VPS41: variants seen among roughly 807,000 people sequenced by gnomAD.
VPS41 encodes the protein vacuolar protein sorting-associated protein 41 homolog.
In VPS41, 85 loss-of-function variants were observed where a neutral mutation model predicts 130.9. That is an observed-to-expected ratio of 0.65 (90% CI 0.55 to 0.78). The LOEUF is 0.78. Among genes scored for constraint, VPS41 ranks in the 30% least tolerant of loss-of-function variants. VPS41 has a pLI of 0.00. For missense variants in VPS41, 874 were observed against 1,018.7 expected, an observed-to-expected ratio of 0.86 and a Z score of 1.93; for synonymous variants, 335 against 332.9, an observed-to-expected ratio of 1.01 and a Z score of -0.07.
chr7:38,892,044 ATTCTCTG>A (rs914469791), intron 2 of VPS41, among the ~76,000 whole-genome samples: 1 of 152,010 alleles, frequency 6.6e-6, no homozygotes, highest in African/African-American at 2.4e-5. Flanking sequence ...ACTATTCTCT[ATTCTCTG>A]GAATAGAAAG....
intron 7 of VPS41, among the ~76,000 whole-genome samples, chr7:38,804,823 T>C (rs948478636): frequency 1.3e-5 from 2 of 152,242 alleles, no homozygotes; most frequent in African/African-American, 4.8e-5. Flanking sequence ...ACAAGTGCGA[T>C]TTCAGAAATG....
chr7:38,858,963 C>T (rs570744603), intron 4 of VPS41, among the ~76,000 whole-genome samples: 54 of 152,270 alleles, frequency 3.5e-4, no homozygotes, highest in Non-Finnish European at 6.2e-4. Flanking sequence ...CAGGAGATGA[C>T]AGCTCCATGT....
intron 25 of VPS41, among the ~76,000 whole-genome samples, chr7:38,740,579 C>T (rs888287486): frequency 1.3e-5 from 2 of 152,134 alleles, no homozygotes; most frequent in Non-Finnish European, 2.9e-5. Context: ...AAATATATGC[C>T]TATATATCGT....
At chr7:38,877,579 AGAG>A (rs1434734649) in intron 2 of VPS41, among the ~76,000 whole-genome samples, 3 of 152,168 alleles carry the variant, frequency 2.0e-5, no homozygotes, top group African/African-American at 2.4e-5. Flanking sequence ...ATTTTGTTTG[AGAG>A]GAGATTAAAT....
intron 10 of VPS41, among the ~76,000 whole-genome samples, chr7:38,784,682 A>G (rs1784407850): frequency 1.3e-5 from 2 of 151,976 alleles, no homozygotes; most frequent in Non-Finnish European, 1.5e-5. Flanking sequence ...GAAGGGGAAG[A>G]ATATAAGAAT....
intron 4 of VPS41, among the ~76,000 whole-genome samples, chr7:38,850,534 T>A (rs944420008): frequency 6.6e-5 from 10 of 152,100 alleles, no homozygotes; most frequent in Non-Finnish European, 1.5e-4. Context: ...ATGAAAAAAA[T>A]TTCAGATTTA....
chr7:38,857,706 G>C (rs562005382), intron 4 of VPS41, among the ~76,000 whole-genome samples: 2 of 152,264 alleles, frequency 1.3e-5, no homozygotes, highest in South Asian at 4.2e-4. Context: ...TAAAATACTC[G>C]AAGAGATTTA....
chr7:38,865,583 A>G (rs1305462139), intron 3 of VPS41, among the ~76,000 whole-genome samples: 2 of 152,260 alleles, frequency 1.3e-5, no homozygotes, highest in African/African-American at 4.8e-5. Context: ...CTAAGACCCT[A>G]TGGAACATAG....
At chr7:38,832,805 T>C (rs1785418035) in intron 4 of VPS41, among the ~76,000 whole-genome samples, 2 of 152,138 alleles carry the variant, frequency 1.3e-5, no homozygotes, top group African/African-American at 4.8e-5. Flanking sequence ...CTTTTTTACA[T>C]CTATACTCAA....
intron 11 of VPS41, among the ~76,000 whole-genome samples, chr7:38,776,375 G>A (rs1316830885): frequency 6.6e-6 from 1 of 152,182 alleles, no homozygotes; most frequent in Non-Finnish European, 1.5e-5. Context: ...CTAATGCACA[G>A]TGTCAGCTTA....
chr7:38,858,218 T>C, intron 4 of VPS41, among the ~76,000 whole-genome samples: 1 of 152,218 alleles, frequency 6.6e-6, no homozygotes, highest in East Asian at 1.9e-4. Flanking sequence ...TGCACAGCTA[T>C]TTCAAAATAT....
intron 2 of VPS41, among the ~76,000 whole-genome samples, chr7:38,882,448 T>C (rs1786633738): frequency 2.0e-5 from 3 of 152,346 alleles, no homozygotes; most frequent in South Asian, 4.1e-4. Context: ...ATGCCCTAAA[T>C]GATCTCATCC....
chr7:38,828,260 C>G (rs1785319429), intron 5 of VPS41, among the ~76,000 whole-genome samples: 1 of 151,672 alleles, frequency 6.6e-6, no homozygotes, highest in African/African-American at 2.4e-5. Context: ...CACACACACG[C>G]ACACATACGA....
chr7:38,867,526 C>T (rs1022667561), intron 3 of VPS41, among the ~76,000 whole-genome samples: 3 of 148,428 alleles, frequency 2.0e-5, no homozygotes, highest in Non-Finnish European at 3.0e-5. Flanking sequence ...GCCTGGGCAA[C>T]AAGAGTGAGA....
At chr7:38,855,937 A>C (rs1402029555) in intron 4 of VPS41, among the ~76,000 whole-genome samples, 1 of 152,204 alleles carries the variant, frequency 6.6e-6, no homozygotes, top group Non-Finnish European at 1.5e-5. Flanking sequence ...CTTAAACAAC[A>C]GAAATTCTCC....
Position 38,758,231 on chromosome 7 carries a change from A to C in VPS41, c.1550+123T>G, listed in dbSNP as rs1783842670. 5 of 886,984 alleles carry C rather than the reference A, an allele frequency of 5.6e-6. No homozygotes were observed. In the African/African-American group the frequency reaches 6.8e-5, roughly 12 times the overall value. 54.9% of individuals were successfully genotyped at this position (886,984 alleles called of 1,614,324 possible). ...TTGAGGTTTATGAGAGGTTTTTACT[A>C]AGAAGGAATGTAGGAAAATGGTATA... On this transcript the variant is annotated intron_variant, in intron 18 of 28. Coordinates refer to ENST00000310301, the MANE Select transcript of VPS41 (RefSeq NM_014396.4).
chr7:38,760,576 A>AT (rs1365201794), intron 17 of VPS41, among the ~76,000 whole-genome samples: 3 of 130,556 alleles, frequency 2.3e-5, no homozygotes, highest in Non-Finnish European at 5.0e-5. Context: ...TTATTTATTT[A>AT]TTTTTAAAAT....
At chr7:38,826,924 T>C (rs1216393861) in intron 5 of VPS41, among the ~76,000 whole-genome samples, 1 of 152,142 alleles carries the variant, frequency 6.6e-6, no homozygotes, top group African/African-American at 2.4e-5. Context: ...ATTCACACCA[T>C]TCTCCTGCCT....
chr7:38,858,012 G>C (rs1228654466), intron 4 of VPS41, among the ~76,000 whole-genome samples: 1 of 152,184 alleles, frequency 6.6e-6, no homozygotes, highest in Non-Finnish European at 1.5e-5. Flanking sequence ...AGGAGTACCT[G>C]GGTTACGATA....
Sources: allele counts gnomAD v4.1 joint callset (sites outside exome capture counted in the v4.1 genomes callset), GRCh38; gene constraint gnomAD v4.1.1; transcripts MANE v1.5; gene names NCBI Gene and HGNC (gene_info 2026-07-23, HGNC 2026-07-21).